The following TTI2 variants were observed in gnomAD, a reference collection of about 807,000 sequenced individuals.
TTI2 encodes the protein TELO2-interacting protein 2.
In TTI2, 26 loss-of-function variants were observed where a neutral mutation model predicts 44.9. That is an observed-to-expected ratio of 0.58 (90% CI 0.42 to 0.80). The LOEUF (loss-of-function observed/expected upper bound fraction) is 0.80, where lower values mean the gene tolerates loss of function less well. Among genes scored for constraint, TTI2 ranks in the 30% least tolerant of loss-of-function variants. The pLI is 0.00. For synonymous variants in TTI2, 254 were observed against 250.9 expected (o/e 1.01, Z -0.12); for missense variants, 582 against 611.6 (o/e 0.95, Z 0.51).
chr8:33,502,313 T>C (rs1404386164), intron 6 of TTI2, among the ~76,000 whole-genome samples: 1 of 152,226 alleles, frequency 6.6e-6, no homozygotes, highest in African/African-American at 2.4e-5. Flanking sequence ...CTATTCTCAA[T>C]TAGATTTAAA....
Position 33,507,457 on chromosome 8 carries a change from GA to G in TTI2, c.835-137del. 2.6e-6 allele frequency: 2 copies of G among 763,848 alleles called. 1 individual carries two copies. The highest frequency in any genetic ancestry group is 3.0e-5 in the South Asian group (2 of 66,628). The allele number at this position is 763,848 out of a possible 1,614,324, so 47.3% of individuals were successfully genotyped here. On this transcript the variant is annotated intron_variant, in intron 3 of 7. Transcript: ENST00000431156. ...AAAATATGCATGATTGTTTCGAGTTGAAAATATTGCAGAAACTGTAGATTCA... is the reference window on the plus strand; with the variant it reads ...AAAATATGCATGATTGTTTCGAGTTGAAATATTGCAGAAACTGTAGATTCA...
intron 4 of TTI2, among the ~76,000 whole-genome samples, chr8:33,504,749 A>C (rs1202771098): frequency 6.6e-6 from 1 of 152,182 alleles, no homozygotes; most frequent in Non-Finnish European, 1.5e-5. Flanking sequence ...CTTGGGATGC[A>C]TGCAGGCCAT....
chr8:33,502,143 C>T (rs558801775), intron 6 of TTI2, among the ~76,000 whole-genome samples: 1 of 152,062 alleles, frequency 6.6e-6, no homozygotes, highest in African/African-American at 2.4e-5. Flanking sequence ...GGGGTTTCAC[C>T]ATATTGGCCA....
intron 3 of TTI2, 130 bp downstream of exon 3, chr8:33,509,616 T>C (rs773038889): frequency 2.4e-5 from 21 of 877,842 alleles, no homozygotes; most frequent in Non-Finnish European, 3.9e-5. Flanking sequence ...ACCAGGTGGA[T>C]AGAGGAAAAA....
chr8:33,500,619 AAAAG>A, intron 6 of TTI2, 129 bp from the exon 7 acceptor site: 1 of 1,143,538 alleles, frequency 8.7e-7, no homozygotes, highest in Non-Finnish European at 1.2e-6. Flanking sequence ...AGTTAAATGA[AAAAG>A]ACCTAAAAAC....
intron 6 of TTI2, among the ~76,000 whole-genome samples, chr8:33,502,824 TCAAAAA>T (rs202076532): frequency 1.2e-4 from 15 of 128,602 alleles, no homozygotes; most frequent in East Asian, 4.5e-4. Flanking sequence ...ATACTCCATC[TCAAAAA>T]CAAAAACAAA....
Position 33,512,347 on chromosome 8 carries a change from CA to C in TTI2, c.266del (p.Leu89ArgfsTer36), listed in dbSNP as rs1224881463. On this transcript the variant is annotated frameshift_variant, in exon 2 of 8. Coordinates refer to ENST00000431156, the MANE Select transcript of TTI2 (RefSeq NM_001102401.4). LOFTEE classifies it high-confidence loss of function. ...CCTTGGAGGGGGCTGCATACTTCTC[CA>C]GGGCTTTTGCTACCTGCCCCAGTGT... ...PETLGQVAKA[L>X]EKYAAPSKEE... 5.6e-6 allele frequency: 9 copies of C among 1,614,206 alleles called. No individual in the cohort carries two copies. Among genetic ancestry groups the C allele is most frequent in the Admixed American group, 5.0e-5 (3 of 60,024 alleles).
rs1461519496 is a variant in TTI2, at chr8:33,500,505, A to C, written c.1260-15T>G. On this transcript the variant is annotated splice_polypyrimidine_tract_variant and intron_variant, in intron 6 of 7. Coordinates refer to ENST00000431156, the MANE Select transcript of TTI2 (RefSeq NM_001102401.4). ...TGCAGGAAACTCTGGAATCAGGAAG[A>C]AAAGCTATGTTCATACTCTAAATCT... 2 of 1,613,778 alleles carry C rather than the reference A, an allele frequency of 1.2e-6. No individual in the cohort carries two copies. The highest frequency in any genetic ancestry group is 2.2e-5 in the South Asian group (2 of 91,068).
chr8:33,500,215 T>C, intron 7 of TTI2, 113 bp downstream of exon 7: 1 of 1,263,374 alleles, frequency 7.9e-7, no homozygotes, highest in East Asian at 2.4e-5. Flanking sequence ...TCTAAAACCC[T>C]CCATGTTCAT....
intron 4 of TTI2, among the ~76,000 whole-genome samples, chr8:33,504,807 C>A (rs1299262177): frequency 3.9e-5 from 6 of 152,114 alleles, no homozygotes; most frequent in Non-Finnish European, 8.8e-5. Context: ...TTTCCTGGGA[C>A]CTTTGGTTTT....
chr8:33,506,335 TTAAC>T (rs1809291701), intron 4 of TTI2, among the ~76,000 whole-genome samples: 1 of 151,968 alleles, frequency 6.6e-6, no homozygotes, highest in Non-Finnish European at 1.5e-5. Flanking sequence ...AACAGAACAC[TTAAC>T]TAATAAAAAT....
At chr8:33,506,853 C>T (rs1006128153) in intron 4 of TTI2, among the ~76,000 whole-genome samples, 10 of 152,046 alleles carry the variant, frequency 6.6e-5, no homozygotes, top group Middle Eastern at 3.4e-3. Context: ...ACATCATGCC[C>T]GGCTAATTTT....
chr8:33,505,485 C>CTTT (rs11446015), intron 4 of TTI2, among the ~76,000 whole-genome samples: 5 of 146,936 alleles, frequency 3.4e-5, no homozygotes, highest in Non-Finnish European at 3.0e-5. Context: ...GCCACTGCAC[C>CTTT]TTTTTTTTTT....
chr8:33,507,117 C>T, intron 4 of TTI2, 112 bp downstream of exon 4: 1 of 948,702 alleles, frequency 1.1e-6, no homozygotes, highest in Non-Finnish European at 1.7e-6. Flanking sequence ...TAGTTATCAT[C>T]CTCACTTTCC....
chr8:33,499,013 C>G lies in TTI2; in HGVS notation c.*160G>C. The G allele has an allele frequency of 1.5e-6, 1 of 650,786 alleles. No homozygotes were observed. Among genetic ancestry groups the G allele is most frequent in the Non-Finnish European group, 2.6e-6 (1 of 378,678 alleles). 40.3% of individuals were successfully genotyped at this position (650,786 alleles called of 1,614,324 possible). ...AGGAGTTCAATTTTTTCTTGTTCTA[C>G]TTTCCCTATTCTTATGGAGGTAAAA... On this transcript the variant is annotated 3_prime_UTR_variant, in exon 8 of 8. Coordinates refer to ENST00000431156, the MANE Select transcript of TTI2 (RefSeq NM_001102401.4).
chr8:33,503,300 G>A lies in TTI2; in HGVS notation c.1259+129C>T. 4 of 1,286,792 alleles carry A rather than the reference G, an allele frequency of 3.1e-6. No homozygotes were observed. The Admixed American group carries it at 7.9e-5, about 25-fold the overall frequency. The allele number at this position is 1,286,792 out of a possible 1,614,324, so 79.7% of individuals were successfully genotyped here. On this transcript the variant is annotated intron_variant, in intron 6 of 7. Transcript: ENST00000431156. The stretch of plus-strand genomic sequence containing the variant: ...ATTTTCTCAGTTTAAAATCCTATAG[G>A]TGTGTGAAAATGGGAGGTATTCAAA...
intron 1 of TTI2, 167 bp from the exon 2 acceptor site, chr8:33,512,879 A>ATT: frequency 7.6e-6 from 1 of 132,128 alleles, no homozygotes; most frequent in African/African-American, 3.4e-5. Flanking sequence ...CGTCTCAGTA[A>ATT]AAAAAAAAAA....
chr8:33,509,785 G>A lies in TTI2; in HGVS notation c.795C>T (p.Ile265=). 1 of 1,614,078 alleles carries A rather than the reference G, an allele frequency of 6.2e-7. No individual in the cohort carries two copies. Among genetic ancestry groups the A allele is most frequent in the Non-Finnish European group, 8.5e-7 (1 of 1,180,014 alleles). ...TGTGATGGAGACAGTGTACACCCAG[G>A]ATTTTGTTCTCAGTCTGATAGTCAT... The part of the protein sequence containing the change: ...ISDDYQTENK[I]LGVHCLHHIV... Residue 265 remains isoleucine (I), a synonymous_variant, in exon 3 of 8, where the codon ATC becomes ATT. Transcript: ENST00000431156.
Position 33,512,306 on chromosome 8 carries a change from C to T in TTI2, c.308G>A (p.Gly103Asp), listed in dbSNP as rs375265314. 1 of 1,614,198 alleles carries T rather than the reference C, an allele frequency of 6.2e-7. No individual in the cohort carries two copies. The highest frequency in any genetic ancestry group is 1.3e-5 in the African/African-American group (1 of 75,048). ...CTCGGCCGCTTCGGAGTGCCCATCA[C>T]CTCCACCTTCCTCCTCCTTGGAGGG... Reference protein sequence around the residue: ...AAPSKEEEGGGDGHSEAAEKA... With the variant: ...AAPSKEEEGGDDGHSEAAEKA... Residue 103 changes from glycine to aspartate, a missense_variant, in exon 2 of 8, where the codon GGT (glycine) becomes GAT (aspartate). By Grantham distance (94) the Gly-to-Asp change is moderately conservative. Transcript: ENST00000431156.
Sources: gnomAD v4.1 joint callset for allele counts (sites outside exome capture counted in the v4.1 genomes callset) on GRCh38, gnomAD v4.1.1 for gene constraint, MANE v1.5 for transcripts, NCBI Gene and HGNC (gene_info 2026-07-23, HGNC 2026-07-21) for gene names.